The following RABGAP1L variants were observed in gnomAD, a reference collection of about 807,000 sequenced individuals.
The protein encoded by RABGAP1L is rab GTPase-activating protein 1-like.
A neutral mutation model predicts 137.7 loss-of-function variants in RABGAP1L; 63 were observed. The observed-to-expected ratio is 0.46, with a 90% CI of 0.37 to 0.56. The LOEUF is 0.56. Among genes scored for constraint, RABGAP1L ranks in the 20% least tolerant of loss-of-function variants. The probability of loss-of-function intolerance (pLI) is 0.00; values close to 1 mark genes in which losing one functional copy is unlikely to be tolerated. For synonymous variants in RABGAP1L, 431 were observed against 433.7 expected, an observed-to-expected ratio of 0.99 and a Z score of 0.08; for missense variants, 1,095 against 1,244.0, an observed-to-expected ratio of 0.88 and a Z score of 1.80.
chr1:174,276,021 G>T, intron 9 of RABGAP1L, 86 bp downstream of exon 9: 1 of 1,018,110 alleles, frequency 9.8e-7, no homozygotes, highest in South Asian at 2.0e-5. Flanking sequence ...AAAAAAATTT[G>T]GAACTCAAAG....
chr1:174,731,908 A>G (rs1228581539), intron 17 of RABGAP1L, among the ~76,000 whole-genome samples: 3 of 152,254 alleles, frequency 2.0e-5, no homozygotes, highest in African/African-American at 7.2e-5. Flanking sequence ...TATTCAAATC[A>G]TAAAGAATTA....
chr1:174,359,384 A>G (rs540449672), intron 11 of RABGAP1L, among the ~76,000 whole-genome samples: 16 of 151,846 alleles, frequency 1.1e-4, no homozygotes, highest in Non-Finnish European at 2.1e-4. Flanking sequence ...AACACTCATG[A>G]TTATTGGTTT....
intron 13 of RABGAP1L, among the ~76,000 whole-genome samples, chr1:174,527,116 C>T (rs543492652): frequency 6.6e-6 from 1 of 152,012 alleles, no homozygotes; most frequent in South Asian, 2.1e-4. Flanking sequence ...GTTCAACATC[C>T]CTGAATCTAT....
intron 19 of RABGAP1L, among the ~76,000 whole-genome samples, chr1:174,871,026 A>G (rs1221194815): frequency 6.6e-6 from 1 of 152,148 alleles, no homozygotes; most frequent in East Asian, 1.9e-4. Flanking sequence ...GGCATGAGCC[A>G]CCACGCCCGG....
chr1:174,925,354 C>CAAAA (rs545791515), intron 19 of RABGAP1L, among the ~76,000 whole-genome samples: 30 of 54,710 alleles, frequency 5.5e-4, no homozygotes, highest in East Asian at 1.6e-3. Context: ...GACTCCGTCT[C>CAAAA]AAAAAAAAAA....
intron 11 of RABGAP1L, among the ~76,000 whole-genome samples, chr1:174,324,088 A>G (rs930702408): frequency 6.6e-6 from 1 of 152,142 alleles, no homozygotes; most frequent in Admixed American, 6.5e-5. Flanking sequence ...AACTGCTAGG[A>G]TCTTAAAATC....
chr1:174,194,111 G>A (rs1667402345), intron 1 of RABGAP1L, among the ~76,000 whole-genome samples: 1 of 152,098 alleles, frequency 6.6e-6, no homozygotes, highest in Non-Finnish European at 1.5e-5. Context: ...GACCTGCTTG[G>A]CTTTGGTACC....
rs114642200 is a variant in RABGAP1L, at chr1:174,989,716, A to C, written c.3004-133A>C. On this transcript the variant is annotated intron_variant, in intron 25 of 25. Coordinates refer to ENST00000681986, the MANE Select transcript of RABGAP1L (RefSeq NM_001366446.1). The stretch of plus-strand genomic sequence containing the variant: ...ATCCTTGTACTAAGAAGCCAATTCA[A>C]TCTCTCCTGGGTTTTGTGGGAGGAA... 5.5e-6 allele frequency: 5 copies of C among 908,764 alleles called. No homozygotes were observed. The East Asian group carries it at 1.1e-4, about 20-fold the overall frequency. 56.3% of individuals were successfully genotyped at this position (908,764 alleles called of 1,614,324 possible). A position where few individuals can be genotyped will look rare whatever the true frequency, so the allele number is the denominator to read the frequency against.
At chr1:174,195,839 CTT>C (rs541907684) in intron 1 of RABGAP1L, among the ~76,000 whole-genome samples, 3 of 91,858 alleles carry the variant, frequency 3.3e-5, no homozygotes, top group Admixed American at 1.4e-4. Flanking sequence ...CCTTCTTCTT[CTT>C]TTTTTTTTTT....
intron 21 of RABGAP1L, among the ~76,000 whole-genome samples, chr1:174,975,406 C>T (rs551717450): frequency 6.6e-6 from 1 of 152,290 alleles, no homozygotes; most frequent in African/African-American, 2.4e-5. Context: ...AAATAGACAT[C>T]ATCATTCTAG....
intron 13 of RABGAP1L, among the ~76,000 whole-genome samples, chr1:174,497,017 G>A (rs1211650460): frequency 6.6e-6 from 1 of 152,160 alleles, no homozygotes; most frequent in African/African-American, 2.4e-5. Context: ...CCCTTCTCCA[G>A]CATACACACA....
chr1:174,378,087 C>T (rs548405176), intron 12 of RABGAP1L, among the ~76,000 whole-genome samples: 5,055 of 146,270 alleles, frequency 0.035, 110 homozygotes, highest in Middle Eastern at 0.087. Context: ...TTTCCAATTT[C>T]ATCCATGTCC....
At chr1:174,160,537 C>T (rs528883926) in intron 1 of RABGAP1L, among the ~76,000 whole-genome samples, 11 of 152,290 alleles carry the variant, frequency 7.2e-5, no homozygotes, top group Non-Finnish European at 1.2e-4. Context: ...TGGGTGGTCA[C>T]TTGCAAAATT....
At chr1:174,462,275 A>G (rs1310215999) in intron 13 of RABGAP1L, among the ~76,000 whole-genome samples, 3 of 152,210 alleles carry the variant, frequency 2.0e-5, no homozygotes, top group African/African-American at 7.2e-5. Context: ...AATAAATTAC[A>G]TATTTTGGTA....
chr1:174,192,698 A>T (rs936105275), intron 1 of RABGAP1L, among the ~76,000 whole-genome samples: 2 of 152,204 alleles, frequency 1.3e-5, no homozygotes, highest in African/African-American at 4.8e-5. Context: ...ATTACTGGTA[A>T]AGGTGAGTTA....
At chr1:174,833,754 A>G (rs1318463681) in intron 19 of RABGAP1L, among the ~76,000 whole-genome samples, 1 of 151,992 alleles carries the variant, frequency 6.6e-6, no homozygotes, top group Non-Finnish European at 1.5e-5. Context: ...AGCTTTCAGG[A>G]TAATGGAAGG....
At chr1:174,281,120 A>G (rs1675492705) in intron 10 of RABGAP1L, among the ~76,000 whole-genome samples, 1 of 152,160 alleles carries the variant, frequency 6.6e-6, no homozygotes, top group East Asian at 1.9e-4. Flanking sequence ...GTGCGGACCC[A>G]AAGAGTGAGC....
At chr1:174,888,218 T>C (rs1000152428) in intron 19 of RABGAP1L, among the ~76,000 whole-genome samples, 29 of 152,192 alleles carry the variant, frequency 1.9e-4, no homozygotes, top group African/African-American at 6.5e-4. Context: ...GTGGTATCTA[T>C]AGGTGGCAAA....
chr1:174,257,139 A>G (rs1019426233), intron 7 of RABGAP1L, among the ~76,000 whole-genome samples: 3 of 152,130 alleles, frequency 2.0e-5, no homozygotes, highest in Non-Finnish European at 4.4e-5. Context: ...TTCGAACCCT[A>G]TCTTTATGAC....
Sources: gnomAD v4.1 joint callset for allele counts (sites outside exome capture counted in the v4.1 genomes callset) on GRCh38, gnomAD v4.1.1 for gene constraint, MANE v1.5 for transcripts, NCBI Gene and HGNC (gene_info 2026-07-23, HGNC 2026-07-21) for gene names.